SYT9: variants seen among roughly 807,000 people sequenced by gnomAD.
The protein encoded by SYT9 is synaptotagmin 9.
In SYT9, 22 loss-of-function variants were observed where a neutral mutation model predicts 48.4. That is an observed-to-expected ratio of 0.45 (90% confidence interval 0.32 to 0.65). The LOEUF is 0.65. Among genes scored for constraint, SYT9 ranks in the 30% least tolerant of loss-of-function variants. SYT9 has a pLI of 0.03. For synonymous variants in SYT9, 265 were observed against 245.0 expected (o/e 1.08, Z -0.76); for missense variants, 577 against 622.0 (o/e 0.93, Z 0.77).
At chr11:7,247,500 TACACATATATACATATATAC>T (rs1179644803), upstream of SYT9, among the ~76,000 whole-genome samples, 6 of 149,590 alleles carry the variant, frequency 4.0e-5, no homozygotes, top group South Asian at 6.3e-4. Context: ...CACATATATA[TACACATATATACATATATAC>T]ACACATATAT....
At chr11:7,413,022 A>G (rs1564894706) in intron 3 of SYT9, among the ~76,000 whole-genome samples, 1 of 152,160 alleles carries the variant, frequency 6.6e-6, no homozygotes, top group Non-Finnish European at 1.5e-5. Flanking sequence ...TCCCCTGGTA[A>G]TATGTTCAGG....
rs2119757306 is a variant in SYT9, at chr11:7,252,368, G to T, written c.145+37G>T. ...CACCGCCGCCTGGAGGGACCTAAGG[G>T]CCCTGGGCTGGGACTTGGGGCCGCA... is the stretch of plus-strand genomic sequence containing the variant. On this transcript the variant is annotated intron_variant, in intron 1 of 6. Transcript: ENST00000318881. The surrounding 1 kb of genome is among the most constrained non-coding windows in gnomAD (Gnocchi z 6.3). 1 of 1,404,716 alleles carries T rather than the reference G, an allele frequency of 7.1e-7. No individual in the cohort carries two copies. 87.0% of individuals were successfully genotyped at this position (1,404,716 alleles called of 1,614,324 possible). A position where few individuals can be genotyped will look rare whatever the true frequency, so the allele number is the denominator to read the frequency against.
intron 3 of SYT9, among the ~76,000 whole-genome samples, chr11:7,336,896 G>A (rs1272483101): frequency 6.6e-6 from 1 of 152,156 alleles, no homozygotes; most frequent in Non-Finnish European, 1.5e-5. Flanking sequence ...AATGTCATTG[G>A]TAGTTTAATA....
chr11:7,451,976 A>T (rs574964435), intron 6 of SYT9, among the ~76,000 whole-genome samples: 2 of 152,276 alleles, frequency 1.3e-5, no homozygotes, highest in Non-Finnish European at 2.9e-5. Flanking sequence ...AGAGAAAGAG[A>T]TAGCTAGAAA....
At chr11:7,431,087 T>G (rs1391856302) in intron 6 of SYT9, among the ~76,000 whole-genome samples, 2 of 152,188 alleles carry the variant, frequency 1.3e-5, no homozygotes, top group Non-Finnish European at 2.9e-5. Flanking sequence ...GGAACTCTCT[T>G]AGGGACTGGT....
intron 3 of SYT9, among the ~76,000 whole-genome samples, chr11:7,322,630 CTT>C (rs928791531): frequency 6.6e-6 from 1 of 152,078 alleles, no homozygotes; most frequent in African/African-American, 2.4e-5. Flanking sequence ...ACTTTAATAG[CTT>C]TTATTCTAGT....
chr11:7,375,368 T>C (rs1850434157), intron 3 of SYT9, among the ~76,000 whole-genome samples: 1 of 152,188 alleles, frequency 6.6e-6, no homozygotes, highest in Non-Finnish European at 1.5e-5. Flanking sequence ...CCAGCTTTGT[T>C]CTTTTTGTTT....
At chr11:7,459,429 T>G (rs974555627) in intron 6 of SYT9, among the ~76,000 whole-genome samples, 1 of 152,090 alleles carries the variant, frequency 6.6e-6, no homozygotes, top group African/African-American at 2.4e-5. Context: ...AAGGAGCAAG[T>G]CATTGAAGTA....
chr11:7,463,223 C>T (rs1848265012), intron 6 of SYT9, among the ~76,000 whole-genome samples: 1 of 152,198 alleles, frequency 6.6e-6, no homozygotes. Flanking sequence ...ACCAGCCAAG[C>T]TAGCATTATG....
chr11:7,338,271 A>G (rs1203938089), intron 3 of SYT9, among the ~76,000 whole-genome samples: 5 of 152,084 alleles, frequency 3.3e-5, no homozygotes, highest in African/African-American at 4.8e-5. Context: ...CTAGTGACCT[A>G]TCTATTATTA....
intron 3 of SYT9, among the ~76,000 whole-genome samples, chr11:7,351,081 A>G (rs568166411): frequency 1.3e-5 from 2 of 152,346 alleles, no homozygotes; most frequent in African/African-American, 4.8e-5. Flanking sequence ...CTGGTCCTAC[A>G]TAAATAACTA....
At chr11:7,240,824 G>C (rs570556132) in intron 1 of SYT9, among the ~76,000 whole-genome samples, 13 of 152,164 alleles carry the variant, frequency 8.5e-5, no homozygotes, top group Admixed American at 8.5e-4. Context: ...AAGTCAGGCA[G>C]CCATCTACAG....
intron 6 of SYT9, chr11:7,440,705 G>A (rs780425438): frequency 1.1e-4 from 17 of 152,352 alleles, no homozygotes; most frequent in Non-Finnish European, 2.5e-4. Context: ...ATGATCAGTA[G>A]TGGACTTACA....
chr11:7,330,381 C>T (rs574530522), intron 3 of SYT9, among the ~76,000 whole-genome samples: 2 of 151,928 alleles, frequency 1.3e-5, no homozygotes, highest in South Asian at 2.1e-4. Flanking sequence ...TTTGCCAGGG[C>T]TTGGGGATGG....
intron 1 of SYT9, among the ~76,000 whole-genome samples, chr11:7,253,319 G>A (rs1027728844): frequency 1.4e-4 from 22 of 152,180 alleles, no homozygotes; most frequent in African/African-American, 3.6e-4. Context: ...ATGAGAAAAT[G>A]GCCTTTCTCT....
chr11:7,458,786 G>T (rs1412248345), intron 6 of SYT9, among the ~76,000 whole-genome samples: 1 of 152,196 alleles, frequency 6.6e-6, no homozygotes. Context: ...GATGAGATCA[G>T]AAAGGTAACA....
At chr11:7,423,223 C>G (rs1847388116) in intron 6 of SYT9, among the ~76,000 whole-genome samples, 1 of 152,186 alleles carries the variant, frequency 6.6e-6, no homozygotes, top group South Asian at 2.1e-4. Flanking sequence ...AAGTACACGT[C>G]TGGGACTCCA....
intron 1 of SYT9, among the ~76,000 whole-genome samples, chr11:7,282,909 AACAC>A (rs567480393): frequency 2.0e-5 from 3 of 147,856 alleles, no homozygotes; most frequent in East Asian, 1.9e-4. Flanking sequence ...ACCGTGTTAA[AACAC>A]ACACACACAC....
Position 7,251,937 on chromosome 11 carries a change from G to T in SYT9, c.-250G>T. ...CTGTGCGGCACCGCCTCTCCTCGGTGTCTGGGGAGGGACGGAGGGACCGGG... is the reference window on the plus strand; with the variant it reads ...CTGTGCGGCACCGCCTCTCCTCGGTTTCTGGGGAGGGACGGAGGGACCGGG... On this transcript the variant is annotated 5_prime_UTR_variant, in exon 1 of 7. Coordinates refer to ENST00000318881, the MANE Select transcript of SYT9 (RefSeq NM_175733.4). 2.4e-6 allele frequency: 1 copy of T among 408,990 alleles called. No individual in the cohort carries two copies. The highest frequency in any genetic ancestry group is 6.2e-5 in the South Asian group (1 of 16,152). 25.3% of individuals were successfully genotyped at this position (408,990 alleles called of 1,614,324 possible).
Sources: allele counts gnomAD v4.1 joint callset (sites outside exome capture counted in the v4.1 genomes callset), GRCh38; gene constraint gnomAD v4.1.1; non-coding constraint Gnocchi (gnomAD v3.1); transcripts MANE v1.5; gene names NCBI Gene and HGNC (gene_info 2026-07-23, HGNC 2026-07-21).